The following PLS1 variants were observed in gnomAD, a reference collection of about 807,000 sequenced individuals.
PLS1 encodes the protein plastin-1.
A neutral mutation model predicts 73.7 loss-of-function variants in PLS1; 32 were observed. That is an observed-to-expected ratio of 0.43 (90% CI 0.33 to 0.58). PLS1 has a LOEUF of 0.58. Ranked by LOEUF, PLS1 falls within the 20% of genes least tolerant of loss-of-function variation. The pLI, the probability that PLS1 is intolerant of heterozygous loss-of-function variation, is 0.04. For missense variants in PLS1, 633 were observed against 740.5 expected, an observed-to-expected ratio of 0.85 and a Z score of 1.68; for synonymous variants, 217 against 261.3, an observed-to-expected ratio of 0.83 and a Z score of 1.63.
chr3:142,695,769 T>C (rs1444278357), intron 11 of PLS1, among the ~76,000 whole-genome samples: 422 of 74,966 alleles, frequency 5.6e-3, no homozygotes, highest in South Asian at 0.023. Flanking sequence ...TACTTATTTA[T>C]TTATTTATTT....
chr3:142,660,852 G>A (rs1052011318), intron 1 of PLS1, among the ~76,000 whole-genome samples: 3 of 152,140 alleles, frequency 2.0e-5, no homozygotes, highest in African/African-American at 4.8e-5. Flanking sequence ...CTGGTTATAG[G>A]AGACTAAAAA....
intron 1 of PLS1, among the ~76,000 whole-genome samples, chr3:142,658,794 G>T (rs2037300018): frequency 6.6e-6 from 1 of 152,178 alleles, no homozygotes; most frequent in South Asian, 2.1e-4. Context: ...ATAGTTGGAA[G>T]AATTAACACT....
chr3:142,668,107 A>G (rs1007366533), intron 2 of PLS1, among the ~76,000 whole-genome samples: 5 of 152,232 alleles, frequency 3.3e-5, no homozygotes, highest in African/African-American at 7.2e-5. Context: ...AGCAGCTATT[A>G]GCAGATGAGC....
intron 2 of PLS1, among the ~76,000 whole-genome samples, chr3:142,666,056 C>CT (rs1265112137): frequency 6.6e-6 from 1 of 152,144 alleles, no homozygotes; most frequent in Non-Finnish European, 1.5e-5. Flanking sequence ...GCACACTTTT[C>CT]TCAAGGATAG....
In PLS1 at chr3:142,704,587, G is replaced by A; in HGVS notation, c.1629+1G>A. The A allele has an allele frequency of 1.3e-6, 2 of 1,508,752 alleles. No homozygotes were observed. The highest frequency in any genetic ancestry group is 1.8e-6 in the Non-Finnish European group (2 of 1,126,402). The allele number at this position is 1,508,752 out of a possible 1,614,324, so 93.5% of individuals were successfully genotyped here. On this transcript the variant is annotated splice_donor_variant, in intron 14 of 15. Transcript: ENST00000457734. LOFTEE classifies it high-confidence loss of function. ...AAAGACTTCTATTTCCAGCTTCAAGGTAATCAAGAGTCCTAAAAAAAATTT... is the reference window on the plus strand; with the variant it reads ...AAAGACTTCTATTTCCAGCTTCAAGATAATCAAGAGTCCTAAAAAAAATTT...
At chr3:142,668,169 G>A (rs993725091) in intron 2 of PLS1, among the ~76,000 whole-genome samples, 2 of 152,184 alleles carry the variant, frequency 1.3e-5, no homozygotes, top group Non-Finnish European at 2.9e-5. Context: ...GCAAAGCTCT[G>A]CTGTCAACTC....
chr3:142,688,485 C>CTT (rs1342488265), intron 9 of PLS1, among the ~76,000 whole-genome samples: 1 of 152,154 alleles, frequency 6.6e-6, no homozygotes, highest in Non-Finnish European at 1.5e-5. Flanking sequence ...AACTCTCAAT[C>CTT]TAACAGGAAA....
intron 1 of PLS1, among the ~76,000 whole-genome samples, chr3:142,658,120 C>A (rs982874617): frequency 3.3e-5 from 5 of 152,274 alleles, no homozygotes; most frequent in East Asian, 3.9e-4. Context: ...CATGTACTCA[C>A]TTCCTAGATT....
rs865816554 is a variant in PLS1, at chr3:142,601,146, C to T, written c.-37+4637C>T. ...TTCACTGTGTTAGCCAGGATGGTCTCGATCTCCTGACCTCGTGATCCGCCC... is the reference window on the plus strand; with the variant it reads ...TTCACTGTGTTAGCCAGGATGGTCTTGATCTCCTGACCTCGTGATCCGCCC... On this transcript the variant is annotated intron_variant, in intron 1 of 15. Coordinates refer to ENST00000457734, the MANE Select transcript of PLS1 (RefSeq NM_001145319.2). 1.9e-4 allele frequency among the ~76,000 whole-genome samples: 28 copies of T among 149,914 alleles called. No individual in the cohort carries two copies. In the Middle Eastern group the frequency reaches 0.014, roughly 74 times the overall value.
intron 1 of PLS1, among the ~76,000 whole-genome samples, chr3:142,645,909 C>G (rs1414309622): frequency 6.6e-6 from 1 of 152,000 alleles, no homozygotes; most frequent in South Asian, 2.1e-4. Context: ...AGTTCTGTAC[C>G]GACAAGTCAG....
chr3:142,688,476 A>G (rs898431030), intron 9 of PLS1, among the ~76,000 whole-genome samples: 2 of 152,006 alleles, frequency 1.3e-5, no homozygotes, highest in African/African-American at 4.8e-5. Context: ...AGCCTCATGA[A>G]CTCTCAATCT....
intron 1 of PLS1, among the ~76,000 whole-genome samples, chr3:142,624,858 A>G (rs940909964): frequency 1.3e-5 from 2 of 152,196 alleles, no homozygotes; most frequent in Non-Finnish European, 2.9e-5. Context: ...CCTCTATTAT[A>G]CCTGGAGTCC....
rs866426865 is a variant in PLS1, at chr3:142,600,904, A to T, written c.-37+4395A>T. Among the ~76,000 whole-genome samples the T allele has an allele frequency of 1.6e-4, 5 of 30,444 alleles. 1 individual carries two copies. Among genetic ancestry groups the T allele is most frequent in the African/African-American group, 1.2e-3 (5 of 4,274 alleles). The allele number at this position is 30,444 out of a possible 152,430, so 20.0% of individuals were successfully genotyped here. ...TATATATATATATATATATATATATATATATATATATATTTTTTTTTTTTT... is the reference window on the plus strand; with the variant it reads ...TATATATATATATATATATATATATTTATATATATATATTTTTTTTTTTTT... On this transcript the variant is annotated intron_variant, in intron 1 of 15. Coordinates refer to ENST00000457734, the MANE Select transcript of PLS1 (RefSeq NM_001145319.2).
chr3:142,656,308 T>A (rs1027164438), intron 1 of PLS1, among the ~76,000 whole-genome samples: 4 of 152,312 alleles, frequency 2.6e-5, no homozygotes, highest in Non-Finnish European at 5.9e-5. Flanking sequence ...TGTGAATGAA[T>A]GAAAAAGTTG....
intron 1 of PLS1, among the ~76,000 whole-genome samples, chr3:142,629,925 C>T (rs1014151189): frequency 6.6e-6 from 1 of 152,170 alleles, no homozygotes; most frequent in Non-Finnish European, 1.5e-5. Flanking sequence ...TGTCTCCAGA[C>T]ATTGCCAGAT....
intron 1 of PLS1, among the ~76,000 whole-genome samples, chr3:142,602,200 C>G (rs1474349691): frequency 4.6e-5 from 7 of 151,676 alleles, no homozygotes; most frequent in Non-Finnish European, 1.0e-4. Context: ...CTGGGTACAC[C>G]ATTAAAGCCA....
At chr3:142,630,198 G>A (rs974799624) in intron 1 of PLS1, among the ~76,000 whole-genome samples, 4 of 152,024 alleles carry the variant, frequency 2.6e-5, no homozygotes, top group South Asian at 2.1e-4. Flanking sequence ...GAGGCAGGTA[G>A]ATCACTTGAG....
intron 1 of PLS1, among the ~76,000 whole-genome samples, chr3:142,663,640 A>C (rs1357126978): frequency 6.6e-6 from 1 of 152,166 alleles, no homozygotes; most frequent in Non-Finnish European, 1.5e-5. Flanking sequence ...TCGGGACTGC[A>C]GTGAGCCACA....
intron 10 of PLS1, among the ~76,000 whole-genome samples, chr3:142,690,017 A>G (rs975598127): frequency 1.3e-5 from 2 of 152,226 alleles, no homozygotes; most frequent in Admixed American, 6.5e-5. Flanking sequence ...TTATTTCTCC[A>G]TAAGAGGTTA....
Sources: allele counts gnomAD v4.1 joint callset (sites outside exome capture counted in the v4.1 genomes callset), GRCh38; gene constraint gnomAD v4.1.1; transcripts MANE v1.5; gene names NCBI Gene and HGNC (gene_info 2026-07-23, HGNC 2026-07-21).